The following KCNAB3 variants were observed in gnomAD, a reference collection of about 807,000 sequenced individuals.
KCNAB3 encodes voltage-gated potassium channel subunit beta-3.
In KCNAB3, 62 loss-of-function variants were observed where a neutral mutation model predicts 67.7. That is an observed-to-expected ratio of 0.92 (90% CI 0.75 to 1.13). The LOEUF (loss-of-function observed/expected upper bound fraction) is 1.13, where lower values mean the gene tolerates loss of function less well. Ranked by LOEUF, KCNAB3 falls within the 50% of genes most tolerant of loss-of-function variation. KCNAB3 has a pLI of 0.00. For synonymous variants in KCNAB3, 212 were observed against 205.4 expected (o/e 1.03, Z -0.27); for missense variants, 514 against 522.9 (o/e 0.98, Z 0.17).
Position 7,929,351 on chromosome 17 carries a change from C to T in KCNAB3, c.85G>A (p.Gly29Arg), listed in dbSNP as rs1254685874. 5.2e-6 allele frequency: 8 copies of T among 1,549,422 alleles called. No homozygotes were observed. Among genetic ancestry groups the T allele is most frequent in the Middle Eastern group, 1.8e-4 (1 of 5,640 alleles). The change falls in exon 1 of 14, where the codon GGG (glycine) becomes AGG (arginine). Residue 29 changes from glycine (G) to arginine (R), a missense_variant. By Grantham distance (125) the Gly-to-Arg change is moderately radical. Transcript: ENST00000303790. The surrounding 1 kb of genome is among the most constrained non-coding windows in gnomAD (Gnocchi z 5.7). ...CCGGCCGGCCCACCATTACCGCCCC[C>T]GGGGCCCGGCCGGGGTCCACACAGA... ...DRLCGPRPGP[G>R]GGNGGPAGGG...
intron 1 of KCNAB3, 51 bp from the exon 2 acceptor site, chr17:7,927,877 A>T: frequency 6.2e-7 from 1 of 1,606,828 alleles, no homozygotes; most frequent in Non-Finnish European, 8.5e-7. Flanking sequence ...TTATGGACTT[A>T]GATTATCAGC....
Position 7,923,123 on chromosome 17 carries a change from G to A in KCNAB3, c.1194C>T (p.Asn398=). 1 of 1,614,178 alleles carries A rather than the reference G, an allele frequency of 6.2e-7. No individual in the cohort carries two copies. Among genetic ancestry groups the A allele is most frequent in the Non-Finnish European group, 8.5e-7 (1 of 1,180,018 alleles). The change falls in exon 14 of 14, where the codon AAC becomes AAT. Residue 398 remains asparagine, a synonymous_variant. Transcript: ENST00000303790. ...CAGACTACTTCTTGGAATGCGGCTT[G>A]TTTCCCAGGAGCCCGTCTATTTCCA... ...TVMEIDGLLG[N]KPHSKK is the part of the protein sequence containing the mutation.
chr17:7,927,917 G>C, intron 1 of KCNAB3, 91 bp from the exon 2 acceptor site: 1 of 1,479,648 alleles, frequency 6.8e-7, no homozygotes, highest in Non-Finnish European at 9.4e-7. Context: ...AGACTGAGAA[G>C]CCCTCAGGTG....
chr17:7,925,574 C>T (rs1430171660), intron 7 of KCNAB3, 109 bp downstream of exon 7: 3 of 1,035,622 alleles, frequency 2.9e-6, no homozygotes, highest in Non-Finnish European at 4.5e-6. Flanking sequence ...TGCCCCCTTG[C>T]CATGGCCACC....
chr17:7,926,404 G>A (rs958708532), intron 4 of KCNAB3, among the ~76,000 whole-genome samples: 3 of 152,216 alleles, frequency 2.0e-5, no homozygotes, highest in Non-Finnish European at 4.4e-5. Flanking sequence ...GAGCCAGGAA[G>A]GACACTGCCT....
chr17:7,927,525 C>T (rs1972274628), intron 3 of KCNAB3, 102 bp from the exon 4 acceptor site: 2 of 1,502,964 alleles, frequency 1.3e-6, no homozygotes, highest in African/African-American at 1.4e-5. Flanking sequence ...CTAGTCTCTC[C>T]CCTCTCCCCA....
intron 4 of KCNAB3, among the ~76,000 whole-genome samples, chr17:7,926,740 C>T (rs1972245770): frequency 6.6e-6 from 1 of 152,122 alleles, no homozygotes; most frequent in African/African-American, 2.4e-5. Context: ...GTTGATTCTT[C>T]CCAGAAGCAG....
Position 7,924,177 on chromosome 17 carries a change from TC to T in KCNAB3, c.799del (p.Glu267ArgfsTer21). On this transcript the variant is annotated frameshift_variant, in exon 10 of 14. Coordinates refer to ENST00000303790, the MANE Select transcript of KCNAB3 (RefSeq NM_004732.4). LOFTEE classifies it high-confidence loss of function. ...GTGGTAGAGCTCTGGCAGCTGCATC[TC>T]CACCTTCTCCCTCTGAAACAGATGG... ...EHHLFQREKV[E>X]MQLPELYHKI... 1 of 1,614,190 alleles carries T rather than the reference TC, an allele frequency of 6.2e-7. No homozygotes were observed.
At chr17:7,925,860 A>ACCCCCCCCC in intron 6 of KCNAB3, 71 bp downstream of exon 6, 3 of 692,708 alleles carry the variant, frequency 4.3e-6, no homozygotes, top group Non-Finnish European at 4.4e-6. Context: ...AGCTGTCCCC[A>ACCCCCCCCC]CCCCCACCCC....
chr17:7,925,443 C>A, intron 7 of KCNAB3: 5 of 604,846 alleles, frequency 8.3e-6, no homozygotes, highest in Admixed American at 2.9e-5. Flanking sequence ...GTAGGAGAAT[C>A]CCTTGAACCC....
chr17:7,923,081 G>A lies in KCNAB3; in HGVS notation c.*21C>T, dbSNP rs1329577521. 6.2e-7 allele frequency: 1 copy of A among 1,611,434 alleles called. No homozygotes were observed. The highest frequency in any genetic ancestry group is 1.1e-5 in the South Asian group (1 of 91,022). ...GGGCGGGTGCAGCGACACCGGGTTG[G>A]GTCCCTGCGCCCGCGACAGACTACT... On this transcript the variant is annotated 3_prime_UTR_variant, in exon 14 of 14. Transcript: ENST00000303790.
At chr17:7,927,896 C>T in intron 1 of KCNAB3, 70 bp from the exon 2 acceptor site, 1 of 1,581,790 alleles carries the variant, frequency 6.3e-7, no homozygotes, top group South Asian at 1.1e-5. Flanking sequence ...GCCCCCAGCT[C>T]CTCTCCTTCC....
At position 7,924,727 on chromosome 17, in the gene KCNAB3, A is replaced by AG. The variant is rs199925051; in HGVS notation, c.626-228dup. 123 of 1,333,642 alleles carry AG rather than the reference A, an allele frequency of 9.2e-5. 1 individual carries two copies. In the East Asian group the frequency reaches 3.4e-3, roughly 37 times the overall value. 82.6% of individuals were successfully genotyped at this position (1,333,642 alleles called of 1,614,324 possible). A position where few individuals can be genotyped will look rare whatever the true frequency, so the allele number is the denominator to read the frequency against. ...GGGCTGGCTTCCTGCTGAGGGTTTG[A>AG]GGAAGTGCTCAATTTTTGTATTTTA... On this transcript the variant is annotated intron_variant, in intron 8 of 13. Coordinates refer to ENST00000303790, the MANE Select transcript of KCNAB3 (RefSeq NM_004732.4).
Position 7,922,861 on chromosome 17 carries a change from CAAG to C in KCNAB3, c.*238_*240del. 1.8e-6 allele frequency: 1 copy of C among 556,526 alleles called. No homozygotes were observed. The highest frequency in any genetic ancestry group is 3.2e-6 in the Non-Finnish European group (1 of 308,388). The allele number at this position is 556,526 out of a possible 1,614,324, so 34.5% of individuals were successfully genotyped here. ...GCGAGTAGCTCATGCCCGGGATTTGCAAGAAGGGCCTAGAAAGACGCAGCAGGG... is the reference window on the plus strand; with the variant it reads ...GCGAGTAGCTCATGCCCGGGATTTGCAAGGGCCTAGAAAGACGCAGCAGGG... On this transcript the variant is annotated 3_prime_UTR_variant, in exon 14 of 14. Transcript: ENST00000303790.
chr17:7,923,843 G>A lies in KCNAB3; in HGVS notation c.928-12C>T, dbSNP rs1298675758. 6.4e-7 allele frequency: 1 copy of A among 1,568,156 alleles called. No homozygotes were observed. Among genetic ancestry groups the A allele is most frequent in the Admixed American group, 1.9e-5 (1 of 52,708 alleles). On this transcript the variant is annotated splice_polypyrimidine_tract_variant and intron_variant, in intron 11 of 13. Coordinates refer to ENST00000303790, the MANE Select transcript of KCNAB3 (RefSeq NM_004732.4). ...AGCCACTGGTAGCCCTGGAGGCCAA[G>A]AAGAATCAACAGAAGACCCCGCCAT...
chr17:7,924,485 A>G lies in KCNAB3; in HGVS notation c.641T>C (p.Met214Thr). ...NCPMEEIVRA[M>T]TYVINQGLAL... ...CAGGCCCTGGTTGATGACATAGGTC[A>G]TGGCTCGCACAATCTCTAGGTACAC... Residue 214 changes from methionine to threonine, a missense_variant, in exon 9 of 14, where the codon ATG (methionine) becomes ACG (threonine). Physicochemically the swap from Met to Thr is moderately conservative, Grantham distance 81 (BLOSUM62 -1). Coordinates refer to ENST00000303790, the MANE Select transcript of KCNAB3 (RefSeq NM_004732.4). 6.2e-7 allele frequency: 1 copy of G among 1,613,984 alleles called. No homozygotes were observed.
At position 7,922,986 on chromosome 17, in the gene KCNAB3, G is replaced by A. The variant is rs1456846251; in HGVS notation, c.*116C>T. ...GAAGCCGGGACTCGTTGGTGGGCGG[G>A]GCTAGTCTGGCTCCGGCCGCTGCGT... On this transcript the variant is annotated 3_prime_UTR_variant, in exon 14 of 14. Coordinates refer to ENST00000303790, the MANE Select transcript of KCNAB3 (RefSeq NM_004732.4). 9 of 922,398 alleles carry A rather than the reference G, an allele frequency of 9.8e-6. No homozygotes were observed. The Admixed American group carries it at 1.6e-4, about 17-fold the overall frequency. 57.1% of individuals were successfully genotyped at this position (922,398 alleles called of 1,614,324 possible).
chr17:7,929,146 G>A lies in KCNAB3; in HGVS notation c.242+48C>T, dbSNP rs780698885. 1.9e-6 allele frequency: 3 copies of A among 1,603,288 alleles called. No homozygotes were observed. Among genetic ancestry groups the A allele is most frequent in the Admixed American group, 3.5e-5 (2 of 57,500 alleles). On this transcript the variant is annotated intron_variant, in intron 1 of 13. Transcript: ENST00000303790. The surrounding 1 kb of genome is among the most constrained non-coding windows in gnomAD (Gnocchi z 5.7). Reference sequence around the variant, plus strand: ...GCGGCCATCTCAAGCAGTCTCAGGGGTCCCGAAAGGAAAGCGGAAGGGGTG... The same window carrying A: ...GCGGCCATCTCAAGCAGTCTCAGGGATCCCGAAAGGAAAGCGGAAGGGGTG...
rs1213987308 is a variant in KCNAB3, at chr17:7,924,254, G to A, written c.723C>T (p.Ser241=). Residue 241 remains serine (S), a synonymous_variant, in exon 10 of 14, where the codon TCC becomes TCT. Transcript: ENST00000303790. Reference sequence around the variant, plus strand: ...GAATCAGATTGAACTGTCTGGCCATGGAGTAGGCCTCCTGGGTTGGGGTTG... The same window carrying A: ...GAATCAGATTGAACTGTCTGGCCATAGAGTAGGCCTCCTGGGTTGGGGTTG... ...WGAAEIMEAY[S]MARQFNLIPP... 6.2e-7 allele frequency: 1 copy of A among 1,614,020 alleles called. No individual in the cohort carries two copies. Among genetic ancestry groups the A allele is most frequent in the African/African-American group, 1.3e-5 (1 of 74,918 alleles).
Sources: allele counts gnomAD v4.1 joint callset (sites outside exome capture counted in the v4.1 genomes callset), GRCh38; gene constraint gnomAD v4.1.1; non-coding constraint Gnocchi (gnomAD v3.1); transcripts MANE v1.5; gene names NCBI Gene and HGNC (gene_info 2026-07-23, HGNC 2026-07-21).